CCDC158: variants seen among roughly 807,000 people sequenced by gnomAD.
CCDC158 encodes coiled-coil domain-containing protein 158.
A neutral mutation model predicts 138.6 loss-of-function variants in CCDC158; 116 were observed. The ratio of observed to expected loss-of-function variants is 0.84; its 90% CI spans 0.72 to 0.98. The LOEUF (loss-of-function observed/expected upper bound fraction) is 0.98. CCDC158 is among the 50% of genes least tolerant of loss of function. The probability of loss-of-function intolerance (pLI) is 0.00; values close to 1 mark genes in which losing one functional copy is unlikely to be tolerated. For missense variants in CCDC158, 1,265 were observed against 1,306.1 expected, an observed-to-expected ratio of 0.97 and a Z score of 0.48; for synonymous variants, 436 against 442.4, an observed-to-expected ratio of 0.99 and a Z score of 0.18.
rs764122412 is a variant in CCDC158 at position 76,329,015 on chromosome 4, G to A, written c.2943-48C>T. The stretch of plus-strand genomic sequence containing the variant: ...GCAAGCATTCCATTTCACAAACACA[G>A]TACTAAGATTCATAGATAGAAGCAA... On this transcript the variant is annotated intron_variant, in intron 21 of 24. Transcript: ENST00000682701. 6 of 1,433,858 alleles carry A rather than the reference G, an allele frequency of 4.2e-6. No individual in the cohort carries two copies. In the African/African-American group the frequency reaches 8.4e-5, roughly 20 times the overall value. The allele number at this position is 1,433,858 out of a possible 1,614,324, so 88.8% of individuals were successfully genotyped here. A position where few individuals can be genotyped will look rare whatever the true frequency, so the allele number is the denominator to read the frequency against.
At chr4:76,381,867 G>A (rs1281193589) in intron 8 of CCDC158, among the ~76,000 whole-genome samples, 1 of 152,062 alleles carries the variant, frequency 6.6e-6, no homozygotes, top group East Asian at 1.9e-4. Flanking sequence ...ATTTTTAGTG[G>A]AGACAGGGTT....
intron 18 of CCDC158, among the ~76,000 whole-genome samples, chr4:76,336,561 G>A (rs911659993): frequency 6.6e-6 from 1 of 152,120 alleles, no homozygotes; most frequent in African/African-American, 2.4e-5. Flanking sequence ...AAAGATCAAG[G>A]AAGGCAGTTT....
intron 18 of CCDC158, among the ~76,000 whole-genome samples, chr4:76,337,208 T>G (rs935233289): frequency 6.6e-6 from 1 of 152,112 alleles, no homozygotes; most frequent in Admixed American, 6.6e-5. Flanking sequence ...CAGGCTGGTG[T>G]CCAATTCCTT....
chr4:76,354,146 C>T (rs1458601182), intron 15 of CCDC158, among the ~76,000 whole-genome samples: 1 of 145,832 alleles, frequency 6.9e-6, no homozygotes, highest in African/African-American at 2.6e-5. Flanking sequence ...TTAGGCAAGG[C>T]AGGCATCTTT....
At chr4:76,394,478 G>T (rs1350135702) in intron 4 of CCDC158, among the ~76,000 whole-genome samples, 3 of 151,988 alleles carry the variant, frequency 2.0e-5, no homozygotes, top group Non-Finnish European at 2.9e-5. Flanking sequence ...TTACCAGAGG[G>T]TGGGAAGGGT....
At chr4:76,369,295 A>T in intron 11 of CCDC158, 131 bp downstream of exon 11, 1 of 672,838 alleles carries the variant, frequency 1.5e-6, no homozygotes. Flanking sequence ...TGCTCACAGA[A>T]TCCATAGCTT....
At chr4:76,342,690 A>G (rs1722170257) in intron 18 of CCDC158, among the ~76,000 whole-genome samples, 1 of 152,226 alleles carries the variant, frequency 6.6e-6, no homozygotes, top group Non-Finnish European at 1.5e-5. Context: ...AGAAGGGTAA[A>G]GAGGAAAGGA....
At chr4:76,341,180 G>A (rs1722015510) in intron 18 of CCDC158, among the ~76,000 whole-genome samples, 1 of 151,630 alleles carries the variant, frequency 6.6e-6, no homozygotes, top group East Asian at 1.9e-4. Context: ...TTTTCTAATG[G>A]CCTTAAGTCT....
rs1231688414 is a variant in CCDC158 at position 76,331,378 on chromosome 4, T to C, written c.2908A>G (p.Thr970Ala). The change falls in exon 21 of 25, where the codon ACT becomes GCT. Residue 970 changes from threonine to alanine, a missense_variant. By Grantham distance (58) the Thr-to-Ala change is moderately conservative (BLOSUM62 0). Coordinates refer to ENST00000682701, the MANE Select transcript of CCDC158 (RefSeq NM_001394954.1). ...GTTTCACTTGATTTGCTTCCTTCAG[T>C]GGAGTCCCTCAACGAGTTGTTGCTT... The part of the protein sequence containing the change: ...HRSNNSLRDS[T>A]EGSKSSETLS... The C allele has an allele frequency of 6.2e-7, 1 of 1,613,932 alleles. No individual in the cohort carries two copies. Among genetic ancestry groups the C allele is most frequent in the Admixed American group, 1.7e-5 (1 of 60,004 alleles).
chr4:76,390,679 C>A (rs983348939), intron 4 of CCDC158, among the ~76,000 whole-genome samples: 31 of 151,946 alleles, frequency 2.0e-4, no homozygotes, highest in African/African-American at 7.3e-4. Flanking sequence ...AATCAAAAGA[C>A]ATAGAGTGGT....
intron 10 of CCDC158, 139 bp downstream of exon 10, chr4:76,371,278 G>T (rs2110255371): frequency 1.2e-6 from 1 of 811,150 alleles, no homozygotes; most frequent in Non-Finnish European, 1.9e-6. Context: ...AACTTGAATT[G>T]TGTCTAAAAT....
intron 9 of CCDC158, among the ~76,000 whole-genome samples, chr4:76,375,878 T>C (rs1378316497): frequency 6.6e-6 from 1 of 152,148 alleles, no homozygotes; most frequent in African/African-American, 2.4e-5. Context: ...TCTTAATTTA[T>C]GCATTCTAGT....
rs745928384 is a variant in CCDC158, at chr4:76,369,461, AGGCCTTGAGCAG to A, written c.1300_1311del (p.Leu435_Leu438del). On this transcript the variant is annotated inframe_deletion, in exon 11 of 25. Coordinates refer to ENST00000682701, the MANE Select transcript of CCDC158 (RefSeq NM_001394954.1). The stretch of plus-strand genomic sequence containing the variant: ...ATCTGGCCCTGACACTCGCTCTTCA[AGGCCTTGAGCAG>A]GGCTTCCAGGCGCTGCACCTCCATG... The A allele has an allele frequency of 6.2e-7, 1 of 1,614,140 alleles. No homozygotes were observed. Among genetic ancestry groups the A allele is most frequent in the Non-Finnish European group, 8.5e-7 (1 of 1,180,010 alleles).
chr4:76,321,930 C>T (rs889702265), intron 24 of CCDC158, among the ~76,000 whole-genome samples: 1 of 151,332 alleles, frequency 6.6e-6, no homozygotes, highest in Non-Finnish European at 1.5e-5. Context: ...ATTGTATGTT[C>T]TCATTATATG....
chr4:76,380,240 A>C (rs1348473126), intron 8 of CCDC158, among the ~76,000 whole-genome samples: 1 of 151,640 alleles, frequency 6.6e-6, no homozygotes, highest in Non-Finnish European at 1.5e-5. Context: ...AGGGATCAGA[A>C]GACAGAAAGA....
chr4:76,336,181 C>CAAAAAAAAAA (rs34498886), intron 18 of CCDC158, among the ~76,000 whole-genome samples: 1 of 56,032 alleles, frequency 1.8e-5, no homozygotes, highest in African/African-American at 8.1e-5. Context: ...GACTCTGTCT[C>CAAAAAAAAAA]AAAAAAAAAA....
chr4:76,324,545 G>A (rs1047000418), intron 23 of CCDC158, among the ~76,000 whole-genome samples: 5 of 152,030 alleles, frequency 3.3e-5, no homozygotes, highest in African/African-American at 7.2e-5. Context: ...GACAATAAGC[G>A]GGGGGTTGGG....
Position 76,396,503 on chromosome 4 carries a change from T to G in CCDC158, c.71-17A>C. On this transcript the variant is annotated splice_polypyrimidine_tract_variant and intron_variant, in intron 3 of 24. Transcript: ENST00000682701. ...TTGAAGAACCTAAATATTAAAGAAT[T>G]CATTAATTAACTTTTCGTTTTTTTT... 2 of 1,572,762 alleles carry G rather than the reference T, an allele frequency of 1.3e-6. No individual in the cohort carries two copies. The highest frequency in any genetic ancestry group is 1.7e-6 in the Non-Finnish European group (2 of 1,154,492).
chr4:76,373,540 T>C (rs1194366083), intron 9 of CCDC158, among the ~76,000 whole-genome samples: 1 of 152,212 alleles, frequency 6.6e-6, no homozygotes, highest in Admixed American at 6.5e-5. Context: ...TTGAGAACTT[T>C]CTAGTTTTAC....
Sources: gnomAD v4.1 joint callset for allele counts (sites outside exome capture counted in the v4.1 genomes callset) on GRCh38, gnomAD v4.1.1 for gene constraint, MANE v1.5 for transcripts, NCBI Gene and HGNC (gene_info 2026-07-23, HGNC 2026-07-21) for gene names.